The following STS variants were observed in gnomAD, a reference collection of about 807,000 sequenced individuals.
STS encodes steryl-sulfatase.
In STS, 7 loss-of-function variants were observed where a neutral mutation model predicts 26.8. The observed-to-expected ratio is 0.26, with a 90% CI of 0.15 to 0.49. The LOEUF (loss-of-function observed/expected upper bound fraction) is 0.49. Among genes scored for constraint, STS ranks in the 20% least tolerant of loss-of-function variants. STS has a pLI of 0.98. For synonymous variants in STS, 199 were observed against 189.4 expected (o/e 1.05, Z -0.42); for missense variants, 434 against 465.6 (o/e 0.93, Z 0.63).
chrX:7,245,759 C>G (rs185081056), intron 2 of STS, among the ~76,000 whole-genome samples: 43 of 112,069 alleles, frequency 3.8e-4, no homozygotes, highest in African/African-American at 1.2e-3. Context: ...GGGGAACTTC[C>G]TCCCATGCAA....
intron 9 of STS, among the ~76,000 whole-genome samples, chrX:7,329,921 G>C (rs1482328678): frequency 9.0e-6 from 1 of 111,701 alleles, no homozygotes; most frequent in Non-Finnish European, 1.9e-5. Context: ...TTGTTGTTCT[G>C]TTTTTGTTTT....
intron 2 of STS, among the ~76,000 whole-genome samples, chrX:7,221,282 G>A (rs888775472): frequency 2.7e-5 from 3 of 112,058 alleles, no homozygotes; most frequent in African/African-American, 6.5e-5. Flanking sequence ...CTCTTCTGAC[G>A]CACATGCCAT....
intron 10 of STS, among the ~76,000 whole-genome samples, chrX:7,348,217 T>TAA (rs1185729841): frequency 1.8e-5 from 2 of 112,155 alleles, no homozygotes; most frequent in African/African-American, 6.5e-5. Flanking sequence ...GGCTGACTTT[T>TAA]ACCATCACTA....
At chrX:7,212,819 G>C (rs1018645594) in intron 2 of STS, among the ~76,000 whole-genome samples, 1 of 112,119 alleles carries the variant, frequency 8.9e-6, no homozygotes, top group Non-Finnish European at 1.9e-5. Context: ...TTTTATGCTT[G>C]CTGTGTGTCT....
intron 6 of STS, among the ~76,000 whole-genome samples, chrX:7,265,069 T>C (rs1923940310): frequency 9.2e-6 from 1 of 109,212 alleles, no homozygotes; most frequent in East Asian, 2.8e-4. Flanking sequence ...ACTAATTAAT[T>C]TCATGATGTA....
chrX:7,262,321 T>C lies in STS; in HGVS notation c.806+2549T>C, dbSNP rs1374178117. 2.7e-5 allele frequency among the ~76,000 whole-genome samples: 3 copies of C among 111,444 alleles called. No individual in the cohort carries two copies. The Admixed American group carries it at 2.8e-4, about 11-fold the overall frequency. ...GGTTCTGTCATCTCAATAGATGGCCTTCCCAGTAGCGTCCACAGGAGAAAA... is the reference window on the plus strand; with the variant it reads ...GGTTCTGTCATCTCAATAGATGGCCCTCCCAGTAGCGTCCACAGGAGAAAA... On this transcript the variant is annotated intron_variant, in intron 6 of 10. Coordinates refer to ENST00000674429, the MANE Select transcript of STS (RefSeq NM_001320752.2).
chrX:7,257,515 G>C lies in STS; in HGVS notation c.309G>C (p.Ser103=). 1 of 1,211,751 alleles carries C rather than the reference G, an allele frequency of 8.3e-7. No individual in the cohort carries two copies. The highest frequency in any genetic ancestry group is 1.1e-6 in the Non-Finnish European group (1 of 895,399). Residue 103 remains serine, a synonymous_variant, in exon 5 of 11, where the codon TCG becomes TCC. Coordinates refer to ENST00000674429, the MANE Select transcript of STS (RefSeq NM_001320752.2). Reference sequence around the variant, plus strand: ...GAGTTTTCCTCTTCACAGCCTCTTCGGGAGGACTTCCCACCGATGAGATTA... The same window carrying C: ...GAGTTTTCCTCTTCACAGCCTCTTCCGGAGGACTTCCCACCGATGAGATTA... ...RTGVFLFTAS[S]GGLPTDEITF...
At chrX:7,292,509 A>G (rs1256166804) in intron 7 of STS, among the ~76,000 whole-genome samples, 1 of 112,202 alleles carries the variant, frequency 8.9e-6, no homozygotes, top group Non-Finnish European at 1.9e-5. Context: ...GCATAAAAGC[A>G]TGCAGCGAAC....
At chrX:7,152,146 G>C (rs1436213457) in intron 1 of STS, among the ~76,000 whole-genome samples, 2 of 109,296 alleles carry the variant, frequency 1.8e-5, no homozygotes, top group South Asian at 4.1e-4. Flanking sequence ...TAGAGACGGG[G>C]TTTCACCATG....
chrX:7,191,080 T>C (rs962938764), intron 2 of STS, 72 bp downstream of exon 2: 1 of 602,404 alleles, frequency 1.7e-6, no homozygotes, highest in Non-Finnish European at 2.0e-6. Context: ...CAGACCATGT[T>C]GTCTAAGTCA....
At chrX:7,206,692 A>G (rs1018926797) in intron 2 of STS, among the ~76,000 whole-genome samples, 1 of 112,185 alleles carries the variant, frequency 8.9e-6, no homozygotes, top group Non-Finnish European at 1.9e-5. Flanking sequence ...AATAAGAGGC[A>G]TGCAGGTATC....
intron 7 of STS, among the ~76,000 whole-genome samples, chrX:7,299,007 T>A (rs1925800776): frequency 1.3e-5 from 1 of 77,197 alleles, no homozygotes; most frequent in Admixed American, 1.5e-4. Context: ...TAATTATATA[T>A]TTATATATAT....
chrX:7,265,815 G>A (rs1322632498), intron 6 of STS, among the ~76,000 whole-genome samples: 1 of 111,765 alleles, frequency 8.9e-6, no homozygotes, highest in Admixed American at 9.5e-5. Context: ...ATCATCCTTG[G>A]GTAGAGCTGT....
chrX:7,160,965 C>CT (rs751230593), intron 1 of STS, among the ~76,000 whole-genome samples: 72 of 110,436 alleles, frequency 6.5e-4, no homozygotes, highest in Admixed American at 1.9e-3. Context: ...TTTGTTTTTT[C>CT]TTTTTTTTGA....
chrX:7,182,608 G>A (rs1490661187), intron 1 of STS, among the ~76,000 whole-genome samples: 1 of 110,956 alleles, frequency 9.0e-6, no homozygotes, highest in African/African-American at 3.3e-5. Context: ...ATTGTATAAG[G>A]TCCCTGGGTT....
chrX:7,165,926 CAG>C (rs1933339952), intron 1 of STS, among the ~76,000 whole-genome samples: 1 of 111,167 alleles, frequency 9.0e-6, no homozygotes. Context: ...CCGTAGTCTA[CAG>C]AGTCACATTA....
chrX:7,290,495 G>C (rs1925361166), intron 7 of STS, among the ~76,000 whole-genome samples: 1 of 112,149 alleles, frequency 8.9e-6, no homozygotes. Context: ...CCATTTTAAA[G>C]ATGTGTAAAC....
rs772693579 is a variant in STS, at chrX:7,259,406, T to C, written c.440T>C (p.Leu147Ser). ...AAGACTGACTTCTGTCACCACCCTTTACATCACGGCTTCAATTATTTCTAT... is the reference window on the plus strand; with the variant it reads ...AAGACTGACTTCTGTCACCACCCTTCACATCACGGCTTCAATTATTTCTAT... The part of the protein sequence containing the change: ...HSKTDFCHHP[L>S]HHGFNYFYGI... Residue 147 changes from leucine to serine, a missense_variant, in exon 6 of 11, where the codon TTA becomes TCA. Leu to Ser is a moderately radical substitution (Grantham distance 145). Around this residue, in one of 2 missense-constraint regions of STS, gnomAD observed 229 missense variants for 288.3 expected, o/e 0.79. Coordinates refer to ENST00000674429, the MANE Select transcript of STS (RefSeq NM_001320752.2). The C allele has an allele frequency of 1.7e-6, 2 of 1,209,581 alleles. No individual in the cohort carries two copies. Among genetic ancestry groups the C allele is most frequent in the African/African-American group, 3.5e-5 (2 of 57,124 alleles).
In STS at chrX:7,197,103, C is replaced by A. The variant is rs751478424; in HGVS notation, c.-5+6095C>A. ...CCTGTCCTACTACCCAGGCTGTCTT[C>A]CCCTCAGGGCCATCTCCCCAGCCAA... On this transcript the variant is annotated intron_variant, in intron 2 of 10. Coordinates refer to ENST00000674429, the MANE Select transcript of STS (RefSeq NM_001320752.2). 2.7e-5 allele frequency among the ~76,000 whole-genome samples: 3 copies of A among 111,517 alleles called. No individual in the cohort carries two copies. The Admixed American group carries it at 2.9e-4, about 11-fold the overall frequency.
Sources: allele counts gnomAD v4.1 joint callset (sites outside exome capture counted in the v4.1 genomes callset), GRCh38; gene constraint gnomAD v4.1.1; regional missense constraint gnomAD v4.1.1; transcripts MANE v1.5; gene names NCBI Gene and HGNC (gene_info 2026-07-23, HGNC 2026-07-21).